Variants in SNED1 observed in about 807,000 individuals in gnomAD.
The protein encoded by SNED1 is sushi, nidogen and EGF-like domain-containing protein 1.
Under a neutral mutation model 166.7 loss-of-function variants are expected in SNED1, and 81 were observed. The ratio of observed to expected loss-of-function variants is 0.49; its 90% CI spans 0.41 to 0.58. The LOEUF is 0.58. Ranked by LOEUF, SNED1 falls within the 20% of genes least tolerant of loss-of-function variation. SNED1 has a pLI of 0.00. For synonymous variants in SNED1, 762 were observed against 822.0 expected (o/e 0.93, Z 1.25); for missense variants, 1,604 against 2,000.2 (o/e 0.80, Z 3.78).
intron 27 of SNED1, among the ~76,000 whole-genome samples, chr2:241,076,050 G>A (rs1196602455): frequency 6.6e-6 from 1 of 152,136 alleles, no homozygotes; most frequent in Non-Finnish European, 1.5e-5. Flanking sequence ...CTCTAACTTT[G>A]TAAGTCCTGG....
intron 16 of SNED1, among the ~76,000 whole-genome samples, chr2:241,054,176 C>A (rs1054314817): frequency 6.6e-6 from 1 of 152,316 alleles, no homozygotes; most frequent in Non-Finnish European, 1.5e-5. Context: ...ATGACCCCCC[C>A]TCCCAATGCT....
At position 241,048,316 on chromosome 2, in the gene SNED1, A is replaced by G; in HGVS notation, c.1275A>G (p.Gly425=). ...TGGTGACTGCCGTCTTTCTTGCAGGAGACCATCCAGTGCCAGACGCCTGCC... is the reference window on the plus strand; with the variant it reads ...TGGTGACTGCCGTCTTTCTTGCAGGGGACCATCCAGTGCCAGACGCCTGCC... The part of the protein sequence containing the change: ...EPFKGLRCET[G]DHPVPDACLS... The change falls in exon 9 of 32, where the codon GGA becomes GGG. Residue 425 remains glycine (G), a splice_region_variant and synonymous_variant. Coordinates refer to ENST00000310397, the MANE Select transcript of SNED1 (RefSeq NM_001080437.3). 1 of 1,598,908 alleles carries G rather than the reference A, an allele frequency of 6.3e-7. No homozygotes were observed. The highest frequency in any genetic ancestry group is 8.5e-7 in the Non-Finnish European group (1 of 1,174,298).
At chr2:241,053,131 G>C (rs2125117162) in intron 15 of SNED1, 22 bp from the exon 16 acceptor site, 1 of 1,601,566 alleles carries the variant, frequency 6.2e-7, no homozygotes, top group Middle Eastern at 1.9e-4. Context: ...GACCGTGCGA[G>C]ACAGGCTGCC....
chr2:241,010,078 G>A (rs774670799), intron 1 of SNED1: 19 of 152,242 alleles, frequency 1.2e-4, no homozygotes, highest in East Asian at 3.9e-4. Context: ...AAAACACCTC[G>A]AGGCTGTGCT....
chr2:241,058,854 G>A (rs1191941487), intron 16 of SNED1, among the ~76,000 whole-genome samples: 1 of 152,096 alleles, frequency 6.6e-6, no homozygotes, highest in African/African-American at 2.4e-5. Flanking sequence ...GGAGGCTGAG[G>A]CAGGAGAATG....
chr2:241,071,761 CT>C, intron 25 of SNED1, 34 bp from the exon 26 acceptor site: 2 of 1,556,602 alleles, frequency 1.3e-6, no homozygotes, highest in Non-Finnish European at 8.7e-7. Context: ...CGAGGCGGCG[CT>C]CGGACTGTGG....
At position 241,050,053 on chromosome 2, in the gene SNED1, C is replaced by G. The variant is rs773749852; in HGVS notation, c.1735+120C>G. 1.3e-5 allele frequency: 10 copies of G among 767,752 alleles called. No individual in the cohort carries two copies. In the East Asian group the frequency reaches 2.7e-4, roughly 20 times the overall value. The allele number at this position is 767,752 out of a possible 1,614,324, so 47.6% of individuals were successfully genotyped here. A position where few individuals can be genotyped will look rare whatever the true frequency, so the allele number is the denominator to read the frequency against. On this transcript the variant is annotated intron_variant, in intron 12 of 31. Coordinates refer to ENST00000310397, the MANE Select transcript of SNED1 (RefSeq NM_001080437.3). Reference sequence around the variant, plus strand: ...GCGAATTGCTGACCTCGTCTAGAGCCTTGCCTGATGTGCTGCTCTGTTCTG... The same window carrying G: ...GCGAATTGCTGACCTCGTCTAGAGCGTTGCCTGATGTGCTGCTCTGTTCTG...
chr2:241,090,979 A>G (rs912672980), intron 31 of SNED1, among the ~76,000 whole-genome samples: 77 of 152,280 alleles, frequency 5.1e-4, no homozygotes, highest in Non-Finnish European at 4.3e-4. Context: ...TGCAGTGCCT[A>G]ACTGTACTAG....
intron 14 of SNED1, 62 bp from the exon 15 acceptor site, chr2:241,052,293 C>T (rs974647525): frequency 6.8e-7 from 1 of 1,472,426 alleles, no homozygotes; most frequent in Non-Finnish European, 9.4e-7. Context: ...GGCAGGATGC[C>T]CCACACAGTC....
chr2:241,067,169 A>G (rs1448460908), intron 21 of SNED1, among the ~76,000 whole-genome samples: 2 of 152,196 alleles, frequency 1.3e-5, no homozygotes, highest in Non-Finnish European at 2.9e-5. Flanking sequence ...GGTGGGTGGA[A>G]GGGACCGCTG....
At position 241,026,009 on chromosome 2, in the gene SNED1, C is replaced by CTTTTTTTTTTTTTTTT. The variant is rs71404676; in HGVS notation, c.214-4266_214-4251dup. ...TTGATGTGGCTTTGTTTTTCTTTTC[C>CTTTTTTTTTTTTTTTT]TTTTTTTTTTTTTTTTTTTTTTTTG... On this transcript the variant is annotated intron_variant, in intron 1 of 31. Coordinates refer to ENST00000310397, the MANE Select transcript of SNED1 (RefSeq NM_001080437.3). Among the ~76,000 whole-genome samples, 44 of 73,594 alleles carry CTTTTTTTTTTTTTTTT rather than the reference C, an allele frequency of 6.0e-4. 6 individuals are homozygous for CTTTTTTTTTTTTTTTT. The highest frequency in any genetic ancestry group is 2.3e-3 in the South Asian group (3 of 1,288). 48.3% of individuals were successfully genotyped at this position (73,594 alleles called of 152,430 possible). A position where few individuals can be genotyped will look rare whatever the true frequency, so the allele number is the denominator to read the frequency against.
At chr2:241,062,559 C>T (rs1344482834) in intron 16 of SNED1, among the ~76,000 whole-genome samples, 2 of 152,148 alleles carry the variant, frequency 1.3e-5, no homozygotes, top group East Asian at 1.9e-4. Context: ...CTTCTGGGAG[C>T]CCTGGGGTGG....
At position 241,071,610 on chromosome 2, in the gene SNED1, G is replaced by A. The variant is rs73110197; in HGVS notation, c.3624G>A (p.Gln1208=). The A allele has an allele frequency of 0.01, 16,015 of 1,587,964 alleles. 1,350 individuals are homozygous for A. The African/African-American group carries it at 0.19, about 18-fold the overall frequency. The change falls in exon 25 of 32, where the codon CAG becomes CAA. Residue 1208 remains glutamine, a synonymous_variant. Transcript: ENST00000310397. ...PRDGADRRWH[Q]GGHHPRVLKN... Reference sequence around the variant, plus strand: ...ATGGCGCTGACAGACGCTGGCACCAGGGAGGACACCACCCTCGGGTGCTCA... The same window carrying A: ...ATGGCGCTGACAGACGCTGGCACCAAGGAGGACACCACCCTCGGGTGCTCA...
At chr2:241,011,468 G>A (rs759316570) in intron 1 of SNED1, among the ~76,000 whole-genome samples, 8 of 152,208 alleles carry the variant, frequency 5.3e-5, no homozygotes, top group East Asian at 1.9e-4. Context: ...TGGCATTCCC[G>A]CCCCCGAAGT....
At position 241,051,380 on chromosome 2, in the gene SNED1, C is replaced by T. The variant is rs2061835366; in HGVS notation, c.1736-364C>T. 1 of 218,592 alleles carries T rather than the reference C, an allele frequency of 4.6e-6. No homozygotes were observed. Among genetic ancestry groups the T allele is most frequent in the Non-Finnish European group, 8.9e-6 (1 of 111,834 alleles). The allele number at this position is 218,592 out of a possible 1,614,324, so 13.5% of individuals were successfully genotyped here. A position where few individuals can be genotyped will look rare whatever the true frequency, so the allele number is the denominator to read the frequency against. ...GACCCTGATGTCACGGCAGATGAGACTCAGCTGCTTCCTGTCAGATGGGGA... is the reference window on the plus strand; with the variant it reads ...GACCCTGATGTCACGGCAGATGAGATTCAGCTGCTTCCTGTCAGATGGGGA... On this transcript the variant is annotated intron_variant, in intron 12 of 31. Coordinates refer to ENST00000310397, the MANE Select transcript of SNED1 (RefSeq NM_001080437.3). The surrounding 1 kb of genome is among the most constrained non-coding windows in gnomAD (Gnocchi z 4.7).
intron 1 of SNED1, among the ~76,000 whole-genome samples, chr2:241,029,284 G>A (rs1203996846): frequency 6.6e-6 from 1 of 152,226 alleles, no homozygotes; most frequent in Non-Finnish European, 1.5e-5. Flanking sequence ...AATATATTTT[G>A]TATAGCTCTT....
intron 31 of SNED1, chr2:241,089,487 G>T: frequency 6.7e-7 from 1 of 1,490,782 alleles, no homozygotes. Context: ...TTGGGGGAAA[G>T]GTCTGGGCCG....
Position 240,999,083 on chromosome 2 carries a change from G to T in SNED1, c.213+33G>T. The stretch of plus-strand genomic sequence containing the variant: ...ACCCCCGGGCTCGCGGGGCGCCCGG[G>T]AGGGGAGGGAGCTGCGCCCCGGCCG... On this transcript the variant is annotated intron_variant, in intron 1 of 31. Transcript: ENST00000310397. This position sits in a 1 kb window ranked among gnomAD's most constrained non-coding sequence, Gnocchi z 5.8. 4.9e-6 allele frequency: 6 copies of T among 1,216,412 alleles called. No individual in the cohort carries two copies. The highest frequency in any genetic ancestry group is 6.2e-6 in the Non-Finnish European group (6 of 963,878). 75.4% of individuals were successfully genotyped at this position (1,216,412 alleles called of 1,614,324 possible).
intron 27 of SNED1, among the ~76,000 whole-genome samples, chr2:241,079,579 G>C (rs75895048): frequency 0.18 from 28,125 of 152,128 alleles, 2,752 homozygotes; most frequent in Middle Eastern, 0.27. Context: ...AATGGGACTG[G>C]AGATCGGCGA....
Sources: gnomAD v4.1 joint callset for allele counts (sites outside exome capture counted in the v4.1 genomes callset) on GRCh38, gnomAD v4.1.1 for gene constraint, Gnocchi (gnomAD v3.1) non-coding constraint, MANE v1.5 for transcripts, NCBI Gene and HGNC (gene_info 2026-07-23, HGNC 2026-07-21) for gene names.